COP1: variants seen among roughly 807,000 people sequenced by gnomAD.
COP1 encodes E3 ubiquitin-protein ligase COP1.
In COP1, 24 loss-of-function variants were observed where a neutral mutation model predicts 101.3. The ratio of observed to expected loss-of-function variants is 0.24; its 90% CI spans 0.17 to 0.33. The LOEUF (loss-of-function observed/expected upper bound fraction) is 0.33. COP1 is among the 10% of genes least tolerant of loss of function. The probability of loss-of-function intolerance (pLI) is 1.00; values close to 1 mark genes in which losing one functional copy is unlikely to be tolerated. For synonymous variants in COP1, 347 were observed against 341.9 expected (o/e 1.01, Z -0.17); for missense variants, 663 against 906.2 (o/e 0.73, Z 3.45).
rs61267982 is a variant in COP1 at position 176,049,178 on chromosome 1, C to CAAAAAAAAAAA, written c.1278-2865_1278-2855dup. 7.5e-3 allele frequency among the ~76,000 whole-genome samples: 883 copies of CAAAAAAAAAAA among 118,094 alleles called. 4 individuals carry two copies. The highest frequency in any genetic ancestry group is 0.011 in the Non-Finnish European group (648 of 57,810). 77.5% of individuals were successfully genotyped at this position (118,094 alleles called of 152,430 possible). A position where few individuals can be genotyped will look rare whatever the true frequency, so the allele number is the denominator to read the frequency against. On this transcript the variant is annotated intron_variant, in intron 11 of 19. Transcript: ENST00000367669. ...TGGGCAACAGAGCGAGACTCCGTCT[C>CAAAAAAAAAAA]AAAAAAAAAAAAAAAAAAAAAAAAA...
intron 12 of COP1, among the ~76,000 whole-genome samples, chr1:176,044,124 G>A (rs1460093337): frequency 3.3e-5 from 5 of 152,316 alleles, no homozygotes; most frequent in South Asian, 2.1e-4. Context: ...TATCAGTGAA[G>A]GTGATACTAT....
intron 1 of COP1, among the ~76,000 whole-genome samples, chr1:176,194,992 T>G (rs1030523252): frequency 6.7e-6 from 1 of 149,236 alleles, no homozygotes; most frequent in Non-Finnish European, 1.5e-5. Flanking sequence ...GAGGCTGAGG[T>G]GGGAGGACCA....
At chr1:176,081,060 C>T (rs532992606) in intron 11 of COP1, 92 bp downstream of exon 11, 120 of 1,162,046 alleles carry the variant, frequency 1.0e-4, no homozygotes, top group Non-Finnish European at 1.3e-4. Flanking sequence ...TCAGAACCCA[C>T]GCTTTTAATA....
chr1:176,068,297 A>G (rs1323542687), intron 11 of COP1, among the ~76,000 whole-genome samples: 3 of 151,836 alleles, frequency 2.0e-5, no homozygotes, highest in African/African-American at 7.3e-5. Context: ...ACCTAAGACA[A>G]TGGTTCTCAA....
At position 176,178,738 on chromosome 1, in the gene COP1, G is replaced by A. The variant is rs183891546; in HGVS notation, c.468-2731C>T. On this transcript the variant is annotated intron_variant, in intron 2 of 19. Coordinates refer to ENST00000367669, the MANE Select transcript of COP1 (RefSeq NM_022457.7). ...CATGGTGGCAGGCACCTGTAATTCC[G>A]GCTACTCGGGAGGCTGAGGCAGGAG... 2.6e-3 allele frequency among the ~76,000 whole-genome samples: 402 copies of A among 151,918 alleles called. 3 individuals carry two copies. The highest frequency in any genetic ancestry group is 9.2e-3 in the African/African-American group (381 of 41,428).
At chr1:176,110,767 A>G (rs1308294213) in intron 9 of COP1, among the ~76,000 whole-genome samples, 6 of 152,226 alleles carry the variant, frequency 3.9e-5, no homozygotes, top group African/African-American at 9.6e-5. Context: ...GTCTGGGTTA[A>G]AATCTCAGCT....
chr1:176,105,947 C>T (rs980608455), intron 9 of COP1, among the ~76,000 whole-genome samples: 3 of 152,194 alleles, frequency 2.0e-5, no homozygotes, highest in Admixed American at 6.5e-5. Flanking sequence ...TTACTTCTAA[C>T]CTCCAAGCTG....
intron 7 of COP1, 50 bp from the exon 8 acceptor site, chr1:176,135,136 T>A (rs374212539): frequency 1.6e-6 from 2 of 1,258,320 alleles, no homozygotes; most frequent in Admixed American, 1.8e-5. Context: ...ATAGAAGATA[T>A]ATAAATCAAA....
chr1:176,030,924 T>C (rs577211108), intron 14 of COP1, among the ~76,000 whole-genome samples: 1 of 152,140 alleles, frequency 6.6e-6, no homozygotes, highest in African/African-American at 2.4e-5. Flanking sequence ...TTGACTGGTG[T>C]CTTCATAAGG....
At position 175,958,612 on chromosome 1, in the gene COP1, A is replaced by C. The variant is rs376789401; in HGVS notation, c.2134-11373T>G. Reference sequence around the variant, plus strand: ...AAAATCAGAATATAACCCTTCTTTAAAATTTATTTCTCCAAATGTTAAGCA... The same window carrying C: ...AAAATCAGAATATAACCCTTCTTTACAATTTATTTCTCCAAATGTTAAGCA... On this transcript the variant is annotated intron_variant, in intron 18 of 19. Transcript: ENST00000367669. Among the ~76,000 whole-genome samples, 128 of 152,164 alleles carry C rather than the reference A, an allele frequency of 8.4e-4. 1 individual carries two copies. In the Middle Eastern group the frequency reaches 0.01, roughly 12 times the overall value.
chr1:175,966,312 C>T (rs1319775164), intron 18 of COP1, among the ~76,000 whole-genome samples: 1 of 127,172 alleles, frequency 7.9e-6, no homozygotes, highest in Non-Finnish European at 1.8e-5. Flanking sequence ...CACACACACA[C>T]ACAAACACTT....
chr1:176,005,224 C>T (rs1466113253), intron 15 of COP1, among the ~76,000 whole-genome samples: 5 of 152,078 alleles, frequency 3.3e-5, no homozygotes, highest in Admixed American at 6.6e-5. Flanking sequence ...TTTATTGCAT[C>T]TATTTGATTC....
intron 1 of COP1, among the ~76,000 whole-genome samples, chr1:176,200,108 G>A (rs1700115166): frequency 6.6e-6 from 1 of 152,010 alleles, no homozygotes; most frequent in South Asian, 2.1e-4. Context: ...AACCTCTATG[G>A]GCCACATTTC....
At chr1:176,135,169 C>A in intron 7 of COP1, 83 bp from the exon 8 acceptor site, 2 of 901,910 alleles carry the variant, frequency 2.2e-6, no homozygotes, top group South Asian at 3.4e-5. Context: ...ATATTCCTTT[C>A]TATTCCCAGG....
At chr1:175,983,490 T>C (rs996972716) in intron 18 of COP1, among the ~76,000 whole-genome samples, 7 of 152,230 alleles carry the variant, frequency 4.6e-5, no homozygotes, top group African/African-American at 1.7e-4. Flanking sequence ...TAAACCTCTT[T>C]CTTTTGTAAA....
Position 176,120,064 on chromosome 1 carries a change from C to T in COP1, c.969-3383G>A, listed in dbSNP as rs1173386252. On this transcript the variant is annotated intron_variant, in intron 8 of 19. Transcript: ENST00000367669. ...AACTGGAAAATCCTGGATTAGCCTC[C>T]ACTTTGTAGACATATTTTAAAGAGA... 7.2e-5 allele frequency among the ~76,000 whole-genome samples: 11 copies of T among 152,266 alleles called. No individual in the cohort carries two copies. In the East Asian group the frequency reaches 1.5e-3, roughly 21 times the overall value.
intron 1 of COP1, among the ~76,000 whole-genome samples, chr1:176,198,039 G>T (rs1244670979): frequency 6.6e-6 from 1 of 152,132 alleles, no homozygotes; most frequent in Admixed American, 6.5e-5. Context: ...CTATGTTCAT[G>T]ATTCAAAAGA....
chr1:176,086,693 T>C (rs1680236089), intron 9 of COP1, among the ~76,000 whole-genome samples: 1 of 152,168 alleles, frequency 6.6e-6, no homozygotes, highest in Admixed American at 6.5e-5. Context: ...CCCAAAGTAA[T>C]TTATAAATTC....
At chr1:176,159,782 G>A (rs910480364) in intron 5 of COP1, among the ~76,000 whole-genome samples, 2 of 152,040 alleles carry the variant, frequency 1.3e-5, no homozygotes, top group Non-Finnish European at 2.9e-5. Flanking sequence ...CATAAGAAAC[G>A]CATACACATG....
Sources: allele counts gnomAD v4.1 joint callset (sites outside exome capture counted in the v4.1 genomes callset), GRCh38; gene constraint gnomAD v4.1.1; transcripts MANE v1.5; gene names NCBI Gene and HGNC (gene_info 2026-07-23, HGNC 2026-07-21).